Variants in DLGAP2 observed in about 807,000 individuals in gnomAD.
DLGAP2 encodes the protein DLG associated protein 2, also known as disks large-associated protein 2.
DLGAP2 carries 26 observed loss-of-function variants against 100.3 expected under a neutral mutation model. That is an observed-to-expected ratio of 0.26 (90% confidence interval 0.19 to 0.36). The LOEUF is 0.36. Ranked by LOEUF, DLGAP2 falls within the 10% of genes least tolerant of loss-of-function variation. The pLI, the probability that DLGAP2 is intolerant of heterozygous loss-of-function variation, is 1.00. For synonymous variants in DLGAP2, 886 were observed against 630.1 expected, an observed-to-expected ratio of 1.41 and a Z score of -6.08; for missense variants, 1,858 against 1,453.2, an observed-to-expected ratio of 1.28 and a Z score of -4.53.
chr8:859,581 A>G (rs1336824249), intron 1 of DLGAP2, among the ~76,000 whole-genome samples: 2 of 152,158 alleles, frequency 1.3e-5, no homozygotes. Flanking sequence ...CCCCTGCCCA[A>G]ACCTGCTGGG....
At chr8:1,218,978 A>G (rs936688558) in intron 2 of DLGAP2, among the ~76,000 whole-genome samples, 2 of 152,166 alleles carry the variant, frequency 1.3e-5, no homozygotes, top group African/African-American at 4.8e-5. Context: ...CTGAGTTTAT[A>G]TCCTGAGACT....
intron 4 of DLGAP2, among the ~76,000 whole-genome samples, chr8:1,546,998 G>A (rs1403012212): frequency 1.3e-5 from 2 of 152,110 alleles, no homozygotes; most frequent in Non-Finnish European, 2.9e-5. Context: ...CTTTGGCCTC[G>A]AGGACGGCAC....
At chr8:1,418,284 A>T (rs143302241) in intron 3 of DLGAP2, among the ~76,000 whole-genome samples, 4 of 152,338 alleles carry the variant, frequency 2.6e-5, no homozygotes, top group African/African-American at 7.2e-5. Context: ...ATTAAATAGT[A>T]TGGTCTAAAA....
intron 6 of DLGAP2, among the ~76,000 whole-genome samples, chr8:1,623,197 G>A (rs561578394): frequency 6.6e-6 from 1 of 152,228 alleles, no homozygotes; most frequent in African/African-American, 2.4e-5. Context: ...TCAGCATCTT[G>A]AGTGCTTAAA....
chr8:953,743 A>C (rs1799534967), intron 2 of DLGAP2, among the ~76,000 whole-genome samples: 1 of 152,082 alleles, frequency 6.6e-6, no homozygotes, highest in South Asian at 2.1e-4. Context: ...GAAAGTGCCG[A>C]GTGGAGCTGA....
chr8:1,339,490 A>G (rs1170833886), intron 3 of DLGAP2, among the ~76,000 whole-genome samples: 1 of 152,234 alleles, frequency 6.6e-6, no homozygotes, highest in Non-Finnish European at 1.5e-5. Flanking sequence ...GGTGAGCTCC[A>G]TTCTGGAACC....
At chr8:1,028,243 G>T (rs1302293272) in intron 2 of DLGAP2, among the ~76,000 whole-genome samples, 3 of 137,862 alleles carry the variant, frequency 2.2e-5, no homozygotes, top group Admixed American at 7.1e-5. Flanking sequence ...TATTCTCCAG[G>T]TGGGGTGTCA....
chr8:1,426,977 G>C (rs1371565261), intron 3 of DLGAP2, among the ~76,000 whole-genome samples: 1 of 152,098 alleles, frequency 6.6e-6, no homozygotes, highest in Non-Finnish European at 1.5e-5. Context: ...GTGTCTTATT[G>C]ACAATTAAAA....
At chr8:1,134,854 G>C (rs1225264809) in intron 2 of DLGAP2, among the ~76,000 whole-genome samples, 1 of 152,072 alleles carries the variant, frequency 6.6e-6, no homozygotes, top group Non-Finnish European at 1.5e-5. Context: ...CACTATCATG[G>C]GAACAGTGTG....
At chr8:1,683,950 G>GTGTA (rs1799038466) in intron 12 of DLGAP2, among the ~76,000 whole-genome samples, 2 of 20,660 alleles carry the variant, frequency 9.7e-5, no homozygotes, top group Admixed American at 1.5e-3. Context: ...ATATATATAT[G>GTGTA]TGTGTATATA....
chr8:1,173,381 G>A (rs1322898621), intron 2 of DLGAP2, among the ~76,000 whole-genome samples: 1 of 152,194 alleles, frequency 6.6e-6, no homozygotes, highest in Non-Finnish European at 1.5e-5. Context: ...ATCTCCAGCT[G>A]TGTGCTAGGA....
At chr8:848,891 ACGCGCGG>A (rs1797123032) in intron 1 of DLGAP2, among the ~76,000 whole-genome samples, 2 of 99,582 alleles carry the variant, frequency 2.0e-5, no homozygotes, top group Non-Finnish European at 2.1e-5. Flanking sequence ...CAGCATAGGA[ACGCGCGG>A]TGCCTGTTCC....
intron 2 of DLGAP2, among the ~76,000 whole-genome samples, chr8:1,195,761 C>T (rs1585141540): frequency 1.3e-5 from 2 of 152,218 alleles, no homozygotes; most frequent in South Asian, 4.1e-4. Context: ...GCATCACCAT[C>T]GTTGCTCACC....
intron 5 of DLGAP2, among the ~76,000 whole-genome samples, chr8:1,565,297 T>A (rs924947653): frequency 1.3e-4 from 8 of 59,870 alleles, no homozygotes; most frequent in African/African-American, 5.6e-4. Flanking sequence ...ATTTTCTCCC[T>A]TGTTTTCTTT....
chr8:1,067,120 G>A (rs1444036708), intron 2 of DLGAP2, among the ~76,000 whole-genome samples: 2 of 152,154 alleles, frequency 1.3e-5, no homozygotes, highest in Non-Finnish European at 1.5e-5. Flanking sequence ...TCTCCGCACA[G>A]CCCCCTCTGT....
intron 3 of DLGAP2, among the ~76,000 whole-genome samples, chr8:1,287,484 GTGTGTGTGTGTGGTTCT>G (rs1799954035): frequency 5.6e-5 from 3 of 53,446 alleles, no homozygotes; most frequent in African/African-American, 1.4e-4. Flanking sequence ...GTGTGTGTGT[GTGTGTGTGTGTGGTTCT>G]GTTAGGAGGG....
chr8:1,422,716 G>C (rs1797130627), intron 3 of DLGAP2, among the ~76,000 whole-genome samples: 2 of 152,030 alleles, frequency 1.3e-5, no homozygotes, highest in Non-Finnish European at 2.9e-5. Context: ...AAGTGCTCAG[G>C]GAACTCAACA....
At chr8:1,449,869 G>A (rs1563156320) in intron 3 of DLGAP2, among the ~76,000 whole-genome samples, 2 of 148,432 alleles carry the variant, frequency 1.3e-5, no homozygotes, top group African/African-American at 2.5e-5. Context: ...AAGACGAGGT[G>A]GGCGGCCTCG....
intron 8 of DLGAP2, among the ~76,000 whole-genome samples, chr8:1,660,082 T>G (rs901595699): frequency 1.1e-4 from 16 of 152,168 alleles, no homozygotes; most frequent in African/African-American, 3.6e-4. Flanking sequence ...GTAAAGGATT[T>G]TATTTCTCCT....
Sources: gnomAD v4.1 joint callset for allele counts (sites outside exome capture counted in the v4.1 genomes callset) on GRCh38, gnomAD v4.1.1 for gene constraint, MANE v1.5 for transcripts, NCBI Gene and HGNC (gene_info 2026-07-23, HGNC 2026-07-21) for gene names.